The following FATE1 variants were observed in gnomAD, a reference collection of about 807,000 sequenced individuals.
FATE1 encodes fetal and adult testis-expressed transcript protein.
In FATE1, 18 loss-of-function variants were observed where a neutral mutation model predicts 16.0. The observed-to-expected ratio is 1.12, with a 90% confidence interval of 0.78 to 1.66. FATE1 has a LOEUF of 1.66. Ranked by LOEUF, FATE1 falls within the 40% of genes most tolerant of loss-of-function variation. The pLI is 0.00. For synonymous variants in FATE1, 76 were observed against 56.9 expected, an observed-to-expected ratio of 1.34 and a Z score of -1.51; for missense variants, 169 against 152.7, an observed-to-expected ratio of 1.11 and a Z score of -0.56.
In FATE1 at chrX:151,723,068, G is replaced by A. The variant is rs757054843; in HGVS notation, c.*309G>A. 6 of 262,741 alleles carry A rather than the reference G, an allele frequency of 2.3e-5. No individual in the cohort carries two copies. Among genetic ancestry groups the A allele is most frequent in the African/African-American group, 8.4e-5 (3 of 35,610 alleles). The allele number at this position is 262,741 out of a possible 1,213,427, so 21.7% of individuals were successfully genotyped here. On this transcript the variant is annotated 3_prime_UTR_variant, in exon 5 of 5. Transcript: ENST00000370350. ...GCAACCTTGCCTTCCTGACCTCAGCGGCCCTTCTGTTCCATCCTCTGTGGG... is the reference window on the plus strand; with the variant it reads ...GCAACCTTGCCTTCCTGACCTCAGCAGCCCTTCTGTTCCATCCTCTGTGGG...
In FATE1 at chrX:151,716,857, T is replaced by C. The variant is rs1202234029; in HGVS notation, c.107-415T>C. Among the ~76,000 whole-genome samples the C allele has an allele frequency of 1.2e-4, 13 of 111,374 alleles. No homozygotes were observed. The Admixed American group carries it at 1.2e-3, about 11-fold the overall frequency. On this transcript the variant is annotated intron_variant, in intron 1 of 4. Coordinates refer to ENST00000370350, the MANE Select transcript of FATE1 (RefSeq NM_033085.3). Reference sequence around the variant, plus strand: ...CACCTCAATTGCTGTCTCCTACTTTTCTAGGAGGAGCCCTTTCCTTCCACT... The same window carrying C: ...CACCTCAATTGCTGTCTCCTACTTTCCTAGGAGGAGCCCTTTCCTTCCACT...
At chrX:151,721,574 G>A (rs2015116517) in intron 3 of FATE1, 73 bp downstream of exon 3, 1 of 944,733 alleles carries the variant, frequency 1.1e-6, no homozygotes, top group Non-Finnish European at 1.5e-6. Flanking sequence ...CTGGTGAGCA[G>A]CCTGGCCAGG....
rs1311528095 is a variant in FATE1 at position 151,721,451 on chromosome X, TC to T, written c.292del (p.Leu98SerfsTer40). 5.8e-6 allele frequency: 7 copies of T among 1,210,925 alleles called. No homozygotes were observed. Among genetic ancestry groups the T allele is most frequent in the Non-Finnish European group, 7.8e-6 (7 of 895,336 alleles). On this transcript the variant is annotated frameshift_variant, in exon 3 of 5. Transcript: ENST00000370350. LOFTEE classifies it high-confidence loss of function. ...LRESGHGDAHLQEYAGNFQGI... is the reference protein window; with the variant it reads ...LRESGHGDAHXQEYAGNFQGI... ...GAGAATCAGGCCATGGGGATGCCCA[TC>T]TCCAGGAGTACGCTGGCAATTTCCA...
chrX:151,721,548 G>A (rs769027908), intron 3 of FATE1, 47 bp downstream of exon 3: 1 of 1,083,093 alleles, frequency 9.2e-7, no homozygotes, highest in East Asian at 3.0e-5. Flanking sequence ...ACAGGGCCCG[G>A]AGTGGGGCAG....
Position 151,717,408 on chromosome X carries a change from TGG to T in FATE1, c.234+12_234+13del. 1 of 1,194,974 alleles carries T rather than the reference TGG, an allele frequency of 8.4e-7. No homozygotes were observed. Among genetic ancestry groups the T allele is most frequent in the Non-Finnish European group, 1.1e-6 (1 of 885,144 alleles). ...CCCGACCCAAGAAAATGGTACTGTA[TGG>T]GGTCCTCAGCACTTGGTGGCCAGGT... On this transcript the variant is annotated intron_variant, in intron 2 of 4. Transcript: ENST00000370350.
intron 4 of FATE1, among the ~76,000 whole-genome samples, 180 bp downstream of exon 4, chrX:151,722,161 C>T (rs184508092): frequency 1.6e-3 from 181 of 111,038 alleles, no homozygotes; most frequent in African/African-American, 5.6e-3. Context: ...CATAGATGTC[C>T]AGCCTCAAAC....
chrX:151,720,300 G>A (rs2015103639), intron 2 of FATE1, among the ~76,000 whole-genome samples: 1 of 111,544 alleles, frequency 9.0e-6, no homozygotes, highest in Non-Finnish European at 1.9e-5. Flanking sequence ...CCACAATGAG[G>A]CCTAGTTCCT....
intron 2 of FATE1, 80 bp from the exon 3 acceptor site, chrX:151,721,315 C>A: frequency 1.2e-6 from 1 of 840,591 alleles, no homozygotes; most frequent in Non-Finnish European, 1.8e-6. Flanking sequence ...CCATGGGGTG[C>A]ACCATTGGCT....
intron 4 of FATE1, 63 bp downstream of exon 4, chrX:151,722,044 C>T (rs1279587496): frequency 3.2e-5 from 33 of 1,026,752 alleles, no homozygotes; most frequent in South Asian, 5.9e-5. Context: ...AGGCAGGGCT[C>T]GACAGCTGGG....
rs151258994 is a variant in FATE1, at chrX:151,720,492, C to T, written c.235-903C>T. On this transcript the variant is annotated intron_variant, in intron 2 of 4. Coordinates refer to ENST00000370350, the MANE Select transcript of FATE1 (RefSeq NM_033085.3). The stretch of plus-strand genomic sequence containing the variant: ...CGTAGTGTAATGGCTGAGAGTATAA[C>T]CTCTGGACTGAAATGTCCTGGGTTC... Among the ~76,000 whole-genome samples the T allele has an allele frequency of 7.1e-3, 789 of 111,863 alleles. 10 individuals are homozygous for T. The highest frequency in any genetic ancestry group is 0.025 in the African/African-American group (753 of 30,732).
intron 2 of FATE1, among the ~76,000 whole-genome samples, chrX:151,718,141 GAA>G (rs772783737): frequency 2.2e-5 from 2 of 89,898 alleles, no homozygotes; most frequent in African/African-American, 8.1e-5. Context: ...AGGAAGGAAG[GAA>G]GGAAGGAAGG....
chrX:151,717,589 TG>T (rs771927318), intron 2 of FATE1, among the ~76,000 whole-genome samples, 190 bp downstream of exon 2: 39 of 112,400 alleles, frequency 3.5e-4, no homozygotes, highest in Admixed American at 7.5e-4. Context: ...TTTCCTATGC[TG>T]GGGGTTCAAC....
rs370238240 is a variant in FATE1, at chrX:151,721,878, A to G, written c.342-25A>G. ...CTGCCAGGGACCACCAGCAGCTTTG[A>G]CCATCTGTCTTTTTTCTCTCCCAGC... On this transcript the variant is annotated intron_variant, in intron 3 of 4. Transcript: ENST00000370350. 1.7e-5 allele frequency: 20 copies of G among 1,199,597 alleles called. No individual in the cohort carries two copies. The African/African-American group carries it at 3.4e-4, about 20-fold the overall frequency.
At chrX:151,718,265 GAAGA>G (rs2015084981) in intron 2 of FATE1, among the ~76,000 whole-genome samples, 3 of 111,408 alleles carry the variant, frequency 2.7e-5, no homozygotes, top group Non-Finnish European at 5.6e-5. Context: ...GAAAGAGAAA[GAAGA>G]AAGAAATCCA....
At chrX:151,722,499 G>T in intron 4 of FATE1, 129 bp from the exon 5 acceptor site, 2 of 991,336 alleles carry the variant, frequency 2.0e-6, no homozygotes, top group South Asian at 2.2e-5. Context: ...CACTAGGGGC[G>T]CTCCCCGCTC....
chrX:151,718,964 A>G (rs981831036), intron 2 of FATE1, among the ~76,000 whole-genome samples: 1 of 111,905 alleles, frequency 8.9e-6, no homozygotes, highest in African/African-American at 3.2e-5. Context: ...GAATAAAAAT[A>G]AGTCAAATAT....
At chrX:151,717,860 C>T (rs768890114) in intron 2 of FATE1, among the ~76,000 whole-genome samples, 27 of 110,504 alleles carry the variant, frequency 2.4e-4, no homozygotes, top group African/African-American at 7.9e-4. Context: ...AGGAGGCGGA[C>T]GGATCACTTG....
At chrX:151,718,212 A>AAAGG (rs2015082731) in intron 2 of FATE1, among the ~76,000 whole-genome samples, 3 of 102,367 alleles carry the variant, frequency 2.9e-5, no homozygotes, top group Admixed American at 1.0e-4. Flanking sequence ...AGGAAGGAAG[A>AAAGG]AAGGAAGAAA....
intron 1 of FATE1, among the ~76,000 whole-genome samples, chrX:151,716,719 G>A (rs1224413054): frequency 1.8e-5 from 2 of 111,470 alleles, no homozygotes; most frequent in Admixed American, 9.5e-5. Flanking sequence ...TTGTTCTTAC[G>A]ATGCTCCAAG....
Sources: gnomAD v4.1 joint callset for allele counts (sites outside exome capture counted in the v4.1 genomes callset) on GRCh38, gnomAD v4.1.1 for gene constraint, MANE v1.5 for transcripts, NCBI Gene and HGNC (gene_info 2026-07-23, HGNC 2026-07-21) for gene names.